The following MARCHF1 variants were observed in gnomAD, a reference collection of about 807,000 sequenced individuals.
MARCHF1 encodes the protein membrane associated ring-CH-type finger 1, also known as E3 ubiquitin-protein ligase MARCHF1.
A neutral mutation model predicts 54.2 loss-of-function variants in MARCHF1; 40 were observed. That is an observed-to-expected ratio of 0.74 (90% CI 0.57 to 0.96). MARCHF1 has a LOEUF of 0.96. Among genes scored for constraint, MARCHF1 ranks in the 40% least tolerant of loss-of-function variants. The pLI is 0.00. For synonymous variants in MARCHF1, 236 were observed against 236.3 expected (o/e 1.00, Z 0.01); for missense variants, 586 against 656.5 (o/e 0.89, Z 1.17).
intron 1 of MARCHF1, chr4:164,330,217 C>T (rs957304248): frequency 6.6e-5 from 10 of 152,008 alleles, no homozygotes; most frequent in Non-Finnish European, 1.0e-4. Context: ...GCCTTTTCAC[C>T]TGCAAACCTT....
intron 5 of MARCHF1, among the ~76,000 whole-genome samples, chr4:163,653,688 T>A (rs1369916957): frequency 6.6e-6 from 1 of 151,636 alleles, no homozygotes; most frequent in African/African-American, 2.4e-5. Context: ...GACATCAAGG[T>A]TTGGTTCTGA....
At chr4:163,944,243 A>T (rs531497356) in intron 3 of MARCHF1, among the ~76,000 whole-genome samples, 1 of 151,530 alleles carries the variant, frequency 6.6e-6, no homozygotes, top group East Asian at 1.9e-4. Context: ...CAGCCTCCCA[A>T]AGTGCTGGGA....
intron 3 of MARCHF1, among the ~76,000 whole-genome samples, chr4:163,898,451 A>G (rs1750864590): frequency 6.6e-6 from 1 of 152,198 alleles, no homozygotes. Flanking sequence ...ATCAATATAC[A>G]TCGGAGAAAT....
At chr4:164,109,930 A>AG (rs1334578957) in intron 2 of MARCHF1, among the ~76,000 whole-genome samples, 26 of 149,948 alleles carry the variant, frequency 1.7e-4, no homozygotes, top group African/African-American at 6.1e-4. Flanking sequence ...AAAAAAAAAA[A>AG]AAAAAAGAAA....
At chr4:163,578,919 T>A (rs1560953263) in intron 8 of MARCHF1, among the ~76,000 whole-genome samples, 1 of 152,162 alleles carries the variant, frequency 6.6e-6, no homozygotes, top group Non-Finnish European at 1.5e-5. Context: ...CTCAGAACAA[T>A]CATTCAGAAC....
chr4:163,684,667 C>CA (rs1276552229), intron 5 of MARCHF1, among the ~76,000 whole-genome samples: 3 of 152,312 alleles, frequency 2.0e-5, no homozygotes, highest in African/African-American at 7.2e-5. Flanking sequence ...CTTAAGTACT[C>CA]AATAGCCCAT....
chr4:164,036,916 T>A (rs1754017974), intron 2 of MARCHF1, among the ~76,000 whole-genome samples: 1 of 152,200 alleles, frequency 6.6e-6, no homozygotes, highest in Admixed American at 6.6e-5. Flanking sequence ...TTTTTATCTC[T>A]AGTAAACAGA....
intron 3 of MARCHF1, among the ~76,000 whole-genome samples, chr4:163,904,671 G>A (rs994547061): frequency 6.6e-6 from 1 of 152,072 alleles, no homozygotes; most frequent in Non-Finnish European, 1.5e-5. Context: ...GAAATATTTA[G>A]TTACCATTTC....
At chr4:164,051,724 G>A (rs1754370460) in intron 2 of MARCHF1, among the ~76,000 whole-genome samples, 1 of 152,120 alleles carries the variant, frequency 6.6e-6, no homozygotes, top group African/African-American at 2.4e-5. Context: ...TGATTCCCTT[G>A]TCCAGATACT....
intron 1 of MARCHF1, among the ~76,000 whole-genome samples, chr4:164,184,076 A>G (rs1360119479): frequency 6.6e-6 from 1 of 152,164 alleles, no homozygotes; most frequent in African/African-American, 2.4e-5. Flanking sequence ...GGAGGCAATA[A>G]TGGGAAAACA....
intron 4 of MARCHF1, among the ~76,000 whole-genome samples, chr4:163,732,967 C>G (rs1053669276): frequency 6.6e-6 from 1 of 151,332 alleles, no homozygotes; most frequent in Non-Finnish European, 1.5e-5. Flanking sequence ...GCCTGGCCAA[C>G]ATGGTGAAGC....
chr4:164,156,397 G>A (rs17044617), intron 1 of MARCHF1, among the ~76,000 whole-genome samples: 1,875 of 151,892 alleles, frequency 0.012, 35 homozygotes, highest in African/African-American at 0.04. Flanking sequence ...GAGAAATGGG[G>A]AAGAGAAAAC....
intron 5 of MARCHF1, among the ~76,000 whole-genome samples, chr4:163,697,323 C>G (rs1412302968): frequency 6.6e-6 from 1 of 152,110 alleles, no homozygotes; most frequent in African/African-American, 2.4e-5. Context: ...TAGGGTGAAG[C>G]ACTACTTATG....
At chr4:163,575,025 T>G (rs1367565815) in intron 8 of MARCHF1, among the ~76,000 whole-genome samples, 1 of 151,982 alleles carries the variant, frequency 6.6e-6, no homozygotes, top group Non-Finnish European at 1.5e-5. Context: ...TGACGTGATC[T>G]TGCCTGATTG....
intron 1 of MARCHF1, among the ~76,000 whole-genome samples, chr4:164,263,315 T>C: frequency 6.6e-6 from 1 of 152,176 alleles, no homozygotes; most frequent in Non-Finnish European, 1.5e-5. Flanking sequence ...CTACAAACCA[T>C]TTTTGATATC....
chr4:163,779,759 G>A (rs1747410004), intron 4 of MARCHF1, among the ~76,000 whole-genome samples: 1 of 151,962 alleles, frequency 6.6e-6, no homozygotes, highest in Admixed American at 6.6e-5. Context: ...ATAACTGAAT[G>A]GAGAGATTCG....
chr4:163,679,493 T>G (rs192420656), intron 5 of MARCHF1, among the ~76,000 whole-genome samples: 27 of 152,150 alleles, frequency 1.8e-4, no homozygotes, highest in Admixed American at 6.6e-4. Context: ...AACTCCAGAG[T>G]CTTCAACTCC....
At chr4:164,272,022 G>C (rs1371858526) in intron 1 of MARCHF1, among the ~76,000 whole-genome samples, 1 of 151,744 alleles carries the variant, frequency 6.6e-6, no homozygotes, top group East Asian at 1.9e-4. Context: ...ATAATTATAT[G>C]AAAAGAAGCT....
chr4:163,693,597 C>G (rs893504725), intron 5 of MARCHF1, among the ~76,000 whole-genome samples: 1 of 151,310 alleles, frequency 6.6e-6, no homozygotes. Flanking sequence ...AGTGAAAACC[C>G]TAGTGTTCTG....
Sources: allele counts gnomAD v4.1 joint callset (sites outside exome capture counted in the v4.1 genomes callset), GRCh38; gene constraint gnomAD v4.1.1; transcripts MANE v1.5; gene names NCBI Gene and HGNC (gene_info 2026-07-23, HGNC 2026-07-21).